GNAQ: variants seen among roughly 807,000 people sequenced by gnomAD.
The protein encoded by GNAQ is guanine nucleotide-binding protein G(q) subunit alpha.
A neutral mutation model predicts 43.9 loss-of-function variants in GNAQ; 8 were observed. The ratio of observed to expected loss-of-function variants is 0.18; its 90% CI spans 0.11 to 0.33. GNAQ has a LOEUF of 0.33. Ranked by LOEUF, GNAQ falls within the 10% of genes least tolerant of loss-of-function variation. GNAQ has a pLI of 1.00. For missense variants in GNAQ, 158 were observed against 450.8 expected (o/e 0.35, Z 5.88); for synonymous variants, 155 against 170.7 (o/e 0.91, Z 0.71).
At chr9:77,977,498 C>T (rs77576077) in intron 1 of GNAQ, among the ~76,000 whole-genome samples, 1,620 of 152,146 alleles carry the variant, frequency 0.011, 21 homozygotes, top group African/African-American at 0.036. Flanking sequence ...CACAGGCATT[C>T]AGAGTGTTCA....
chr9:77,812,849 T>A (rs542591556), intron 3 of GNAQ, among the ~76,000 whole-genome samples: 2 of 152,112 alleles, frequency 1.3e-5, no homozygotes, highest in South Asian at 4.1e-4. Flanking sequence ...TAAAAAAGAT[T>A]TAGGTGACGT....
intron 1 of GNAQ, among the ~76,000 whole-genome samples, chr9:78,020,191 T>C (rs1340167495): frequency 1.3e-5 from 2 of 152,122 alleles, no homozygotes; most frequent in Non-Finnish European, 2.9e-5. Context: ...CATTTTACTA[T>C]AGGAGATGCA....
intron 2 of GNAQ, among the ~76,000 whole-genome samples, chr9:77,892,620 T>A (rs191403163): frequency 6.6e-5 from 10 of 152,314 alleles, no homozygotes; most frequent in Non-Finnish European, 1.5e-4. Context: ...AAGCAATGTT[T>A]TGTTAAAAAT....
Position 77,836,148 on chromosome 9 carries a change from G to A in GNAQ, c.322-20378C>T, listed in dbSNP as rs543931509. Reference sequence around the variant, plus strand: ...ACATGGACTGGATGGAAGTCAGCGGGTATAGTAAATTAGGCCTGCAAGCCT... The same window carrying A: ...ACATGGACTGGATGGAAGTCAGCGGATATAGTAAATTAGGCCTGCAAGCCT... On this transcript the variant is annotated intron_variant, in intron 2 of 6. Coordinates refer to ENST00000286548, the MANE Select transcript of GNAQ (RefSeq NM_002072.5). Among the ~76,000 whole-genome samples, 261 of 152,082 alleles carry A rather than the reference G, an allele frequency of 1.7e-3. 2 individuals are homozygous for A. The highest frequency in any genetic ancestry group is 2.8e-3 in the Non-Finnish European group (192 of 67,986).
intron 5 of GNAQ, among the ~76,000 whole-genome samples, chr9:77,737,314 A>T (rs1157857449): frequency 1.3e-5 from 2 of 152,148 alleles, no homozygotes; most frequent in Non-Finnish European, 2.9e-5. Flanking sequence ...TGCAAACTCA[A>T]ATCCTATGTG....
At chr9:77,845,679 C>T (rs1030903150) in intron 2 of GNAQ, among the ~76,000 whole-genome samples, 2 of 152,178 alleles carry the variant, frequency 1.3e-5, no homozygotes, top group Non-Finnish European at 2.9e-5. Flanking sequence ...ACCACCTCAT[C>T]CAGAAACACT....
intron 1 of GNAQ, among the ~76,000 whole-genome samples, chr9:77,975,306 C>T (rs1294479812): frequency 6.6e-6 from 1 of 152,128 alleles, no homozygotes; most frequent in Non-Finnish European, 1.5e-5. Context: ...CTCACCACAG[C>T]CAACTTTTAC....
At chr9:77,761,482 A>G (rs1433282418) in intron 5 of GNAQ, among the ~76,000 whole-genome samples, 1 of 103,294 alleles carries the variant, frequency 9.7e-6, no homozygotes, top group Non-Finnish European at 2.0e-5. Context: ...CCAGTCGCCC[A>G]GTCCGGGAGG....
At chr9:77,834,096 T>C (rs900783599) in intron 2 of GNAQ, among the ~76,000 whole-genome samples, 1 of 152,196 alleles carries the variant, frequency 6.6e-6, no homozygotes, top group African/African-American at 2.4e-5. Context: ...AGTATTAAAA[T>C]AGGAAATAAG....
At chr9:77,867,502 T>TAA (rs1337669783) in intron 2 of GNAQ, among the ~76,000 whole-genome samples, 1 of 152,200 alleles carries the variant, frequency 6.6e-6, no homozygotes, top group Non-Finnish European at 1.5e-5. Flanking sequence ...TAATAAAACA[T>TAA]TATTAAGTGA....
chr9:77,819,068 A>G (rs1443197298), intron 2 of GNAQ, among the ~76,000 whole-genome samples: 30 of 151,934 alleles, frequency 2.0e-4, no homozygotes, highest in African/African-American at 6.8e-4. Context: ...GAATCACATA[A>G]ACAAAATGTA....
chr9:77,825,431 T>A (rs1827178579), intron 2 of GNAQ, among the ~76,000 whole-genome samples: 1 of 152,290 alleles, frequency 6.6e-6, no homozygotes, highest in East Asian at 1.9e-4. Context: ...CCTGGCAGCC[T>A]ACACGCCAGA....
In GNAQ at chr9:77,727,104, T is replaced by C. The variant is rs558308075; in HGVS notation, c.889+1410A>G. 2.1e-3 allele frequency among the ~76,000 whole-genome samples: 250 copies of C among 120,414 alleles called. 1 individual carries two copies. The highest frequency in any genetic ancestry group is 7.0e-3 in the African/African-American group (246 of 35,296). The allele number at this position is 120,414 out of a possible 152,430, so 79.0% of individuals were successfully genotyped here. A position where few individuals can be genotyped will look rare whatever the true frequency, so the allele number is the denominator to read the frequency against. On this transcript the variant is annotated intron_variant, in intron 6 of 6. Transcript: ENST00000286548. ...TAAATAAACTTTTTTTTTTTTTTTTTTGAGACAGGGTCTCCCATCACCCAG... is the reference window on the plus strand; with the variant it reads ...TAAATAAACTTTTTTTTTTTTTTTTCTGAGACAGGGTCTCCCATCACCCAG...
At position 78,024,937 on chromosome 9, in the gene GNAQ, C is replaced by T. The variant is rs567817139; in HGVS notation, c.136+6163G>A. The stretch of plus-strand genomic sequence containing the variant: ...TTCATAATTTGATTTTTAAGTAATA[C>T]TAATTTTGTTCTTTAAAATTAACCA... On this transcript the variant is annotated intron_variant, in intron 1 of 6. Transcript: ENST00000286548. Among the ~76,000 whole-genome samples the T allele has an allele frequency of 3.0e-4, 46 of 152,214 alleles. 1 individual carries two copies. The highest frequency in any genetic ancestry group is 2.4e-3 in the Admixed American group (37 of 15,296).
At chr9:77,993,393 A>G (rs987909691) in intron 1 of GNAQ, among the ~76,000 whole-genome samples, 5 of 152,176 alleles carry the variant, frequency 3.3e-5, no homozygotes, top group Admixed American at 6.5e-5. Context: ...TCTAAGGAGA[A>G]AAAAGAATAT....
chr9:77,968,509 TG>T (rs1280127744), intron 1 of GNAQ, among the ~76,000 whole-genome samples: 6 of 152,244 alleles, frequency 3.9e-5, no homozygotes, highest in African/African-American at 1.2e-4. Flanking sequence ...AAAGTTTATC[TG>T]GAACAACCTA....
intron 1 of GNAQ, among the ~76,000 whole-genome samples, chr9:77,929,676 CA>C (rs938747753): frequency 2.7e-5 from 4 of 150,718 alleles, no homozygotes; most frequent in African/African-American, 7.3e-5. Flanking sequence ...ACTAAAAATA[CA>C]AAAAAAAATT....
chr9:77,819,992 A>G (rs1587931478), intron 2 of GNAQ, among the ~76,000 whole-genome samples: 1 of 151,684 alleles, frequency 6.6e-6, no homozygotes, highest in African/African-American at 2.4e-5. Context: ...AAATGGAGGT[A>G]ATCATAGCAC....
intron 1 of GNAQ, among the ~76,000 whole-genome samples, chr9:78,000,077 C>T (rs1428911925): frequency 6.6e-6 from 1 of 151,976 alleles, no homozygotes; most frequent in Non-Finnish European, 1.5e-5. Context: ...TTTTAGAAAG[C>T]CATCTAATAA....
Sources: allele counts gnomAD v4.1 joint callset (sites outside exome capture counted in the v4.1 genomes callset), GRCh38; gene constraint gnomAD v4.1.1; transcripts MANE v1.5; gene names NCBI Gene and HGNC (gene_info 2026-07-23, HGNC 2026-07-21).